Variants in PROKR2 observed in about 807,000 individuals in gnomAD.
PROKR2 encodes the protein prokineticin receptor 2, also known as G protein-coupled receptor 73-like 1.
A neutral mutation model predicts 23.4 loss-of-function variants in PROKR2; 26 were observed. The observed-to-expected ratio is 1.11, with a 90% CI of 0.81 to 1.54. The LOEUF (loss-of-function observed/expected upper bound fraction) is 1.54. PROKR2 is among the 40% of genes most tolerant of loss of function. PROKR2 has a pLI of 0.00. For missense variants in PROKR2, 453 were observed against 511.5 expected (o/e 0.89, Z 1.10); for synonymous variants, 212 against 201.2 (o/e 1.05, Z -0.45).
In PROKR2 at chr20:5,301,442, G is replaced by T. The variant is rs905829934; in HGVS notation, c.*598C>A. Among the ~76,000 whole-genome samples, 25 of 152,188 alleles carry T rather than the reference G, an allele frequency of 1.6e-4. No homozygotes were observed. The highest frequency in any genetic ancestry group is 6.0e-4 in the African/African-American group (25 of 41,432). On this transcript the variant is annotated 3_prime_UTR_variant, in exon 3 of 3. Coordinates refer to ENST00000678254, the MANE Select transcript of PROKR2 (RefSeq NM_144773.4). ...AGACAGGGTTTCACCATGTTGGCCA[G>T]CCTGGGTTGAACTCCTGACCTCAAG... is the stretch of plus-strand genomic sequence containing the variant.
chr20:5,300,561 A>G lies in PROKR2; in HGVS notation c.*1479T>C, dbSNP rs577698597. ...CAGTTGAAAAGCACATTCACAAACC[A>G]TGGCCTCAATGGGCTCTCCCAACAG... On this transcript the variant is annotated 3_prime_UTR_variant, in exon 3 of 3. Coordinates refer to ENST00000678254, the MANE Select transcript of PROKR2 (RefSeq NM_144773.4). 1.3e-5 allele frequency among the ~76,000 whole-genome samples: 2 copies of G among 152,324 alleles called. No homozygotes were observed. Among genetic ancestry groups the G allele is most frequent in the South Asian group, 4.1e-4 (2 of 4,828 alleles).
chr20:5,302,424 C>T lies in PROKR2; in HGVS notation c.771G>A (p.Gly257=). The change falls in exon 3 of 3, where the codon GGG becomes GGA. Residue 257 remains glycine (G), a synonymous_variant. Coordinates refer to ENST00000678254, the MANE Select transcript of PROKR2 (RefSeq NM_144773.4). ...SRELWFKAVP[G]FQTEQIRKRL... ...GCTTGCGAATCTGCTCCGTCTGGAACCCAGGGACTGCCTTGAACCAGAGCT... is the reference window on the plus strand; with the variant it reads ...GCTTGCGAATCTGCTCCGTCTGGAATCCAGGGACTGCCTTGAACCAGAGCT... The T allele has an allele frequency of 1.2e-6, 2 of 1,614,234 alleles. No individual in the cohort carries two copies. The highest frequency in any genetic ancestry group is 1.7e-6 in the Non-Finnish European group (2 of 1,180,036).
intron 2 of PROKR2, among the ~76,000 whole-genome samples, chr20:5,306,913 A>C (rs902008877): frequency 6.6e-6 from 1 of 152,256 alleles, no homozygotes; most frequent in African/African-American, 2.4e-5. Context: ...ACAAAAGCAG[A>C]ATAACTGATT....
chr20:5,310,233 G>C (rs183269747), intron 2 of PROKR2, among the ~76,000 whole-genome samples: 2 of 152,272 alleles, frequency 1.3e-5, no homozygotes, highest in Admixed American at 6.5e-5. Flanking sequence ...GTTTTCATCT[G>C]TCTGCTTGGA....
intron 2 of PROKR2, among the ~76,000 whole-genome samples, chr20:5,310,934 T>G (rs900381865): frequency 2.0e-5 from 3 of 152,230 alleles, no homozygotes; most frequent in Non-Finnish European, 4.4e-5. Context: ...TATCAGTATC[T>G]CCATACATAG....
chr20:5,304,686 C>A (rs1329749705), intron 2 of PROKR2, among the ~76,000 whole-genome samples: 1 of 152,176 alleles, frequency 6.6e-6, no homozygotes, highest in Non-Finnish European at 1.5e-5. Flanking sequence ...GAGAACAATA[C>A]CCTTCCTTTA....
rs753244742 is a variant in PROKR2, at chr20:5,302,056, C to T, written c.1139G>A (p.Cys380Tyr). The change falls in exon 3 of 3, where the codon TGT becomes TAT. Residue 380 changes from cysteine to tyrosine, a missense_variant. Cys to Tyr is a radical substitution (Grantham distance 194). Transcript: ENST00000678254. ...NGVPTTEEVD[C>Y]IRLK ...ACCAGTGGGTCACTTCAGCCTGATA[C>T]AGTCCACCTCTTCTGTGGTGGGCAC... 1.9e-6 allele frequency: 3 copies of T among 1,614,010 alleles called. No individual in the cohort carries two copies. Among genetic ancestry groups the T allele is most frequent in the African/African-American group, 2.7e-5 (2 of 75,042 alleles).
At chr20:5,305,480 C>A (rs111762024) in intron 2 of PROKR2, among the ~76,000 whole-genome samples, 17,662 of 152,170 alleles carry the variant, frequency 0.12, 1,101 homozygotes, top group Non-Finnish European at 0.12. Context: ...TAGGGAAATT[C>A]AAATGGTTAT....
intron 2 of PROKR2, among the ~76,000 whole-genome samples, chr20:5,305,718 GC>G (rs1204530396): frequency 2.6e-5 from 4 of 152,146 alleles, no homozygotes; most frequent in African/African-American, 9.7e-5. Context: ...AGGTACAGGA[GC>G]GGATATTTCA....
chr20:5,303,388 T>A (rs986636546), intron 2 of PROKR2, among the ~76,000 whole-genome samples: 4 of 152,112 alleles, frequency 2.6e-5, no homozygotes, highest in African/African-American at 9.7e-5. Flanking sequence ...TGTAGTGAAA[T>A]CTAAGGACTC....
intron 2 of PROKR2, among the ~76,000 whole-genome samples, chr20:5,309,928 C>G (rs1219546484): frequency 6.6e-6 from 1 of 152,222 alleles, no homozygotes; most frequent in Admixed American, 6.5e-5. Flanking sequence ...GAGTTGTCAT[C>G]AAATAAATCA....
At chr20:5,308,763 C>G (rs929859682) in intron 2 of PROKR2, among the ~76,000 whole-genome samples, 4 of 152,172 alleles carry the variant, frequency 2.6e-5, no homozygotes, top group Admixed American at 1.3e-4. Context: ...TGACCAGACC[C>G]TTCAGTCACT....
At chr20:5,302,810 T>C in intron 2 of PROKR2, 74 bp from the exon 3 acceptor site, 1 of 1,125,310 alleles carries the variant, frequency 8.9e-7, no homozygotes, top group South Asian at 1.3e-5. Context: ...ACCCCAAACA[T>C]ACACTAAAGC....
At chr20:5,303,020 T>G (rs953799921) in intron 2 of PROKR2, among the ~76,000 whole-genome samples, 1 of 152,240 alleles carries the variant, frequency 6.6e-6, no homozygotes, top group African/African-American at 2.4e-5. Context: ...GAGATTTATT[T>G]CCTCAAATGC....
intron 2 of PROKR2, among the ~76,000 whole-genome samples, chr20:5,304,782 G>A (rs1279943742): frequency 1.3e-5 from 2 of 152,152 alleles, no homozygotes; most frequent in African/African-American, 4.8e-5. Flanking sequence ...TTGCAGATTC[G>A]GCTGTTCAGG....
Position 5,300,191 on chromosome 20 carries a change from T to C in PROKR2, c.*1849A>G, listed in dbSNP as rs1049624609. Among the ~76,000 whole-genome samples, 1 of 67,884 alleles carries C rather than the reference T, an allele frequency of 1.5e-5. No homozygotes were observed. Among genetic ancestry groups the C allele is most frequent in the East Asian group, 3.9e-4 (1 of 2,596 alleles). The allele number at this position is 67,884 out of a possible 152,430, so 44.5% of individuals were successfully genotyped here. ...GACGTGTACCTACAGTTACCACAAA[T>C]GTATAATACAAACAGATTCAGAAGT... On this transcript the variant is annotated 3_prime_UTR_variant, in exon 3 of 3. Transcript: ENST00000678254.
intron 1 of PROKR2, chr20:5,315,696 C>A: frequency 2.7e-6 from 1 of 364,648 alleles, no homozygotes; most frequent in Non-Finnish European, 5.5e-6. Context: ...CGCCCGCCAG[C>A]TGCTTTCCCA....
rs148317959 is a variant in PROKR2, at chr20:5,301,653, TTA to T, written c.*385_*386del. ...AGCTTCTGCTACTTTGTTATGTTTT[TTA>T]TATGTTTTTGATTGTAATCAAATCA... On this transcript the variant is annotated 3_prime_UTR_variant, in exon 3 of 3. Transcript: ENST00000678254. 8.1e-4 allele frequency among the ~76,000 whole-genome samples: 124 copies of T among 152,340 alleles called. No individual in the cohort carries two copies. The East Asian group carries it at 0.019, about 24-fold the overall frequency.
chr20:5,314,969 T>C (rs1205504394), intron 1 of PROKR2, among the ~76,000 whole-genome samples: 2 of 152,182 alleles, frequency 1.3e-5, no homozygotes, highest in East Asian at 3.9e-4. Context: ...ACTCCTTCTG[T>C]ACTGACCAAG....
Sources: allele counts gnomAD v4.1 joint callset (sites outside exome capture counted in the v4.1 genomes callset), GRCh38; gene constraint gnomAD v4.1.1; transcripts MANE v1.5; gene names NCBI Gene and HGNC (gene_info 2026-07-23, HGNC 2026-07-21).